The following STAU2 variants were observed in gnomAD, a reference collection of about 807,000 sequenced individuals.
The protein encoded by STAU2 is double-stranded RNA-binding protein Staufen homolog 2.
Under a neutral mutation model 65.9 loss-of-function variants are expected in STAU2, and 20 were observed. That is an observed-to-expected ratio of 0.30 (90% CI 0.21 to 0.44). The LOEUF is 0.44. Ranked by LOEUF, STAU2 falls within the 20% of genes least tolerant of loss-of-function variation. The probability of loss-of-function intolerance (pLI) is 1.00; values close to 1 mark genes in which losing one functional copy is unlikely to be tolerated. For missense variants in STAU2, 558 were observed against 683.9 expected (o/e 0.82, Z 2.05); for synonymous variants, 232 against 233.9 (o/e 0.99, Z 0.07).
chr8:73,731,266 G>C (rs1806048594), intron 3 of STAU2, among the ~76,000 whole-genome samples: 1 of 152,132 alleles, frequency 6.6e-6, no homozygotes, highest in Non-Finnish European at 1.5e-5. Context: ...TTGCTTTTTA[G>C]TTTATGCCTC....
chr8:73,597,592 C>G (rs1030579621), intron 10 of STAU2, among the ~76,000 whole-genome samples: 9 of 145,314 alleles, frequency 6.2e-5, no homozygotes, highest in Non-Finnish European at 1.3e-4. Flanking sequence ...ATTGCCTGGA[C>G]CCAGGAGAAA....
Position 73,576,195 on chromosome 8 carries a change from CATA to C in STAU2, c.1222+6572_1222+6574del, listed in dbSNP as rs752308481. Among the ~76,000 whole-genome samples the C allele has an allele frequency of 5.6e-4, 85 of 152,088 alleles. 3 individuals carry two copies. The highest frequency in any genetic ancestry group is 5.0e-4 in the Non-Finnish European group (34 of 67,982). ...ACCCATAGAAATGTTCAAAAATGTT[CATA>C]ATAATATTGTTTATAATCACAAAAT... On this transcript the variant is annotated intron_variant, in intron 12 of 14. Transcript: ENST00000524300.
At chr8:73,698,657 C>T (rs908228572) in intron 4 of STAU2, among the ~76,000 whole-genome samples, 2 of 151,888 alleles carry the variant, frequency 1.3e-5, no homozygotes, top group African/African-American at 4.8e-5. Flanking sequence ...ATACATAAAG[C>T]AAATATTATT....
rs1815716888 is a variant in STAU2, at chr8:73,649,873, A to ATT, written c.410+23233_410+23234insAA. ...ATATATGTCTTCTATATAATTTTAT[A>ATT]TATATATATATATATATATATATAT... On this transcript the variant is annotated intron_variant, in intron 6 of 14. Coordinates refer to ENST00000524300, the MANE Select transcript of STAU2 (RefSeq NM_001164380.2). Among the ~76,000 whole-genome samples the ATT allele has an allele frequency of 9.5e-5, 4 of 41,944 alleles. 1 individual carries two copies. Among genetic ancestry groups the ATT allele is most frequent in the South Asian group, 6.5e-4 (1 of 1,550 alleles). The allele number at this position is 41,944 out of a possible 152,430, so 27.5% of individuals were successfully genotyped here. A position where few individuals can be genotyped will look rare whatever the true frequency, so the allele number is the denominator to read the frequency against.
intron 4 of STAU2, among the ~76,000 whole-genome samples, chr8:73,707,171 T>A (rs1820567424): frequency 6.6e-6 from 1 of 151,986 alleles, no homozygotes; most frequent in South Asian, 2.1e-4. Context: ...GGTACCTACA[T>A]AAAAGGCACA....
intron 6 of STAU2, among the ~76,000 whole-genome samples, chr8:73,656,206 G>C (rs1816359812): frequency 6.6e-6 from 1 of 152,172 alleles, no homozygotes; most frequent in Non-Finnish European, 1.5e-5. Flanking sequence ...AATGAGATAA[G>C]TTCTCAATTC....
At chr8:73,481,140 T>G (rs1437884212) in intron 13 of STAU2, among the ~76,000 whole-genome samples, 1 of 131,730 alleles carries the variant, frequency 7.6e-6, no homozygotes, top group Non-Finnish European at 1.8e-5. Flanking sequence ...TCCTGTCCAA[T>G]TGCCTTTCAC....
At position 73,473,429 on chromosome 8, in the gene STAU2, C is replaced by A. The variant is rs114479008; in HGVS notation, c.1531-50727G>T. Among the ~76,000 whole-genome samples, 822 of 152,274 alleles carry A rather than the reference C, an allele frequency of 5.4e-3. 7 individuals carry two copies. Among genetic ancestry groups the A allele is most frequent in the African/African-American group, 0.019 (772 of 41,556 alleles). The stretch of plus-strand genomic sequence containing the variant: ...GTGCAATACGGTTTTGAAAAAGAAT[C>A]ATCCTATCCAAGTTTATGTGGTCTT... On this transcript the variant is annotated intron_variant, in intron 13 of 14. Coordinates refer to ENST00000524300, the MANE Select transcript of STAU2 (RefSeq NM_001164380.2).
At chr8:73,576,777 A>G (rs544210601) in intron 12 of STAU2, among the ~76,000 whole-genome samples, 1 of 152,270 alleles carries the variant, frequency 6.6e-6, no homozygotes, top group East Asian at 1.9e-4. Context: ...TTTCTAGACA[A>G]ACTGAATGAG....
intron 9 of STAU2, among the ~76,000 whole-genome samples, chr8:73,613,261 C>T (rs538183883): frequency 6.6e-6 from 1 of 152,236 alleles, no homozygotes; most frequent in East Asian, 1.9e-4. Flanking sequence ...TGTGTGTATC[C>T]TGTTACCATT....
intron 13 of STAU2, among the ~76,000 whole-genome samples, chr8:73,430,429 A>G (rs2128882345): frequency 1.3e-5 from 2 of 152,282 alleles, no homozygotes; most frequent in South Asian, 4.1e-4. Flanking sequence ...GAGCTCAAGG[A>G]ATCAGGGCTC....
intron 13 of STAU2, chr8:73,551,356 A>G: frequency 2.0e-6 from 2 of 987,230 alleles, no homozygotes; most frequent in South Asian, 9.4e-5. Context: ...TACCCAGTGA[A>G]ACAGAATTGT....
intron 6 of STAU2, among the ~76,000 whole-genome samples, chr8:73,635,908 C>CCA (rs756554962): frequency 0.017 from 1,305 of 74,928 alleles, 15 homozygotes; most frequent in South Asian, 0.028. Context: ...GACCCCTGAA[C>CCA]CACACACACA....
intron 13 of STAU2, among the ~76,000 whole-genome samples, chr8:73,491,722 T>C (rs1821163964): frequency 6.6e-6 from 1 of 151,914 alleles, no homozygotes; most frequent in Admixed American, 6.6e-5. Context: ...ACCTTGAAGA[T>C]AGCAAAGATC....
At chr8:73,651,042 C>T (rs1194881896) in intron 6 of STAU2, among the ~76,000 whole-genome samples, 2 of 152,204 alleles carry the variant, frequency 1.3e-5, no homozygotes, top group Non-Finnish European at 2.9e-5. Context: ...CACCTTGTGG[C>T]GGGCAGCAGC....
At chr8:73,500,007 G>A (rs542990337) in intron 13 of STAU2, among the ~76,000 whole-genome samples, 2 of 151,926 alleles carry the variant, frequency 1.3e-5, no homozygotes, top group South Asian at 4.1e-4. Context: ...TACTTTTCCA[G>A]GGAATTAAGA....
chr8:73,434,940 C>A (rs921036079), intron 13 of STAU2, among the ~76,000 whole-genome samples: 1 of 151,942 alleles, frequency 6.6e-6, no homozygotes, highest in African/African-American at 2.4e-5. Flanking sequence ...TTCAAGGCCC[C>A]CATTGGCTGG....
chr8:73,633,788 C>A (rs977872221), intron 6 of STAU2, among the ~76,000 whole-genome samples: 24 of 152,122 alleles, frequency 1.6e-4, no homozygotes, highest in African/African-American at 5.3e-4. Context: ...CAAGACCAGT[C>A]TGGACAACAT....
At chr8:73,526,080 G>A (rs1404515644) in intron 13 of STAU2, among the ~76,000 whole-genome samples, 1 of 152,200 alleles carries the variant, frequency 6.6e-6, no homozygotes, top group Non-Finnish European at 1.5e-5. Context: ...TCTCTAAGCT[G>A]CTTTCCATAT....
Sources: allele counts gnomAD v4.1 joint callset (sites outside exome capture counted in the v4.1 genomes callset), GRCh38; gene constraint gnomAD v4.1.1; transcripts MANE v1.5; gene names NCBI Gene and HGNC (gene_info 2026-07-23, HGNC 2026-07-21).